CYBB: variants seen among roughly 807,000 people sequenced by gnomAD.
The protein encoded by CYBB is cytochrome b-245 beta chain.
A neutral mutation model predicts 46.5 loss-of-function variants in CYBB; 5 were observed. That is an observed-to-expected ratio of 0.11 (90% CI 0.06 to 0.23). The LOEUF (loss-of-function observed/expected upper bound fraction) is 0.23, where lower values mean the gene tolerates loss of function less well. CYBB is among the 10% of genes least tolerant of loss of function. The pLI is 1.00. For synonymous variants in CYBB, 183 were observed against 156.7 expected (o/e 1.17, Z -1.26); for missense variants, 307 against 428.3 (o/e 0.72, Z 2.50).
chrX:37,797,594 T>G (rs1463124186), intron 6 of CYBB, among the ~76,000 whole-genome samples: 2 of 112,115 alleles, frequency 1.8e-5, no homozygotes, highest in Admixed American at 1.9e-4. Flanking sequence ...ATTATTTTCC[T>G]ATCATTTACT....
At chrX:37,805,219 C>T (rs782441571) in intron 10 of CYBB, 51 bp downstream of exon 10, 1 of 1,148,911 alleles carries the variant, frequency 8.7e-7, no homozygotes, top group South Asian at 1.8e-5. Flanking sequence ...CATACTCTGC[C>T]ATGTGAGGCC....
intron 6 of CYBB, among the ~76,000 whole-genome samples, chrX:37,796,838 A>C (rs1929320704): frequency 8.9e-6 from 1 of 111,826 alleles, no homozygotes; most frequent in Non-Finnish European, 1.9e-5. Context: ...AGCCTAAGCC[A>C]CCTCTCTGGT....
chrX:37,797,369 C>A (rs1929335975), intron 6 of CYBB, among the ~76,000 whole-genome samples: 1 of 111,834 alleles, frequency 8.9e-6, no homozygotes, highest in Non-Finnish European at 1.9e-5. Context: ...AGTAATTCCA[C>A]CACTTTCTGT....
intron 8 of CYBB, 66 bp from the exon 9 acceptor site, chrX:37,803,811 T>C (rs1556470712): frequency 8.8e-7 from 1 of 1,142,108 alleles, no homozygotes; most frequent in African/African-American, 1.8e-5. Context: ...TTTTTATCCA[T>C]ATGGACACTA....
chrX:37,797,380 T>C (rs1471259670), intron 6 of CYBB, among the ~76,000 whole-genome samples: 1 of 111,780 alleles, frequency 8.9e-6, no homozygotes, highest in East Asian at 2.8e-4. Context: ...CACTTTCTGT[T>C]TGTATGGTTT....
At chrX:37,799,374 G>A (rs1350397049) in intron 7 of CYBB, among the ~76,000 whole-genome samples, 1 of 111,657 alleles carries the variant, frequency 9.0e-6, no homozygotes, top group African/African-American at 3.3e-5. Context: ...TCTTCATGAC[G>A]ACGCCAGCTA....
chrX:37,788,100 G>A (rs1382909811), intron 3 of CYBB, among the ~76,000 whole-genome samples: 1 of 112,048 alleles, frequency 8.9e-6, no homozygotes, highest in African/African-American at 3.2e-5. Flanking sequence ...CTGGCTTTCA[G>A]TTAATTTTTC....
Position 37,783,588 on chromosome X carries a change from G to A in CYBB, c.240G>A (p.Arg80=), listed in dbSNP as rs781784281. ...PVCRNLLSFL[R]GSSACCSTRV... is the part of the protein sequence containing the mutation. The stretch of plus-strand genomic sequence containing the variant: ...GTCGAAATCTGCTGTCCTTCCTCAG[G>A]GGTTCCAGTGCGGTAAGAGAAAATG... Residue 80 remains arginine, a synonymous_variant, in exon 3 of 13, where the codon AGG becomes AGA. Coordinates refer to ENST00000378588, the MANE Select transcript of CYBB (RefSeq NM_000397.4). 2 of 1,181,820 alleles carry A rather than the reference G, an allele frequency of 1.7e-6. No homozygotes were observed. Among genetic ancestry groups the A allele is most frequent in the South Asian group, 3.6e-5 (2 of 56,282 alleles).
chrX:37,809,478 G>A (rs1028481267), intron 11 of CYBB, 89 bp from the exon 12 acceptor site: 1 of 1,066,733 alleles, frequency 9.4e-7, no homozygotes, highest in African/African-American at 1.8e-5. Flanking sequence ...GGGTGCCTTG[G>A]TTAGAATAGC....
chrX:37,806,509 C>T lies in CYBB; in HGVS notation c.1437C>T (p.Tyr479=), dbSNP rs1556471695. The T allele has an allele frequency of 3.3e-6, 4 of 1,210,881 alleles. No individual in the cohort carries two copies. Among genetic ancestry groups the T allele is most frequent in the Non-Finnish European group, 4.5e-6 (4 of 895,036 alleles). ...CCGGCTTCCTCAGCTACAACATCTA[C>T]CTCACTGGCTGGGATGAGTCTCAGG... ...NNAGFLSYNI[Y]LTGWDESQAN... is the part of the protein sequence containing the mutation. The change falls in exon 11 of 13, where the codon TAC becomes TAT. Residue 479 remains tyrosine, a synonymous_variant. Transcript: ENST00000378588.
In CYBB at chrX:37,782,094, T is replaced by C; in HGVS notation, c.52T>C (p.Trp18Arg). The C allele has an allele frequency of 8.3e-7, 1 of 1,206,525 alleles. No individual in the cohort carries two copies. Among genetic ancestry groups the C allele is most frequent in the Non-Finnish European group, 1.1e-6 (1 of 890,720 alleles). ...EGLSIFVILVWLGLNVFLFVW... is the reference protein window; with the variant it reads ...EGLSIFVILVRLGLNVFLFVW... Reference sequence around the variant, plus strand: ...ATTATTTCTGTTTGTGCAGCTGGTTTGGCTGGGGTTGAACGTCTTCCTCTT... The same window carrying C: ...ATTATTTCTGTTTGTGCAGCTGGTTCGGCTGGGGTTGAACGTCTTCCTCTT... Residue 18 changes from tryptophan to arginine, a missense_variant, in exon 2 of 13, where the codon TGG (tryptophan) becomes CGG (arginine). This residue lies in a region of CYBB where 103 missense variants were observed against 150.2 expected (regional missense o/e 0.69). Transcript: ENST00000378588.
chrX:37,788,309 C>T (rs1386864870), intron 3 of CYBB, among the ~76,000 whole-genome samples: 1 of 111,570 alleles, frequency 9.0e-6, no homozygotes, highest in Non-Finnish European at 1.9e-5. Context: ...AAGGATTTGT[C>T]AACAAATAGA....
intron 7 of CYBB, among the ~76,000 whole-genome samples, chrX:37,799,377 G>A (rs1407661790): frequency 9.0e-5 from 10 of 111,648 alleles, no homozygotes; most frequent in East Asian, 2.8e-4. Flanking sequence ...TCATGACGAC[G>A]CCAGCTAATG....
chrX:37,796,302 C>T (rs1370170762), intron 6 of CYBB, among the ~76,000 whole-genome samples, 161 bp downstream of exon 6: 6 of 111,667 alleles, frequency 5.4e-5, no homozygotes, highest in African/African-American at 1.6e-4. Flanking sequence ...AACCAGTCAA[C>T]ATTGGCATTT....
At chrX:37,795,351 A>G (rs1556468089) in intron 5 of CYBB, among the ~76,000 whole-genome samples, 1 of 111,715 alleles carries the variant, frequency 9.0e-6, no homozygotes, top group South Asian at 3.8e-4. Flanking sequence ...CTTACCCTCC[A>G]GAGTTGCCTT....
At chrX:37,801,113 T>C in intron 7 of CYBB, 143 bp from the exon 8 acceptor site, 3 of 503,669 alleles carry the variant, frequency 6.0e-6, no homozygotes, top group Non-Finnish European at 1.1e-5. Context: ...TATTCCATTG[T>C]AGAAGAAATT....
chrX:37,804,884 C>G (rs1929523008), intron 9 of CYBB, 122 bp from the exon 10 acceptor site: 1 of 734,824 alleles, frequency 1.4e-6, no homozygotes, highest in Non-Finnish European at 2.1e-6. Context: ...AAGGAAGCAC[C>G]CAATAGATAC....
chrX:37,791,310 T>G (rs1929192857), intron 3 of CYBB, among the ~76,000 whole-genome samples: 1 of 111,776 alleles, frequency 8.9e-6, no homozygotes, highest in African/African-American at 3.2e-5. Flanking sequence ...ACATTAAAGA[T>G]TAAATTAAAT....
intron 4 of CYBB, among the ~76,000 whole-genome samples, chrX:37,792,505 C>CATT (rs1348892389): frequency 9.0e-6 from 1 of 110,850 alleles, no homozygotes; most frequent in Non-Finnish European, 1.9e-5. Flanking sequence ...TAAATACCTT[C>CATT]ATTATTATTA....
Sources: allele counts gnomAD v4.1 joint callset (sites outside exome capture counted in the v4.1 genomes callset), GRCh38; gene constraint gnomAD v4.1.1; regional missense constraint gnomAD v4.1.1; transcripts MANE v1.5; gene names NCBI Gene and HGNC (gene_info 2026-07-23, HGNC 2026-07-21).